The following COG6 variants were observed in gnomAD, a reference collection of about 807,000 sequenced individuals.
The protein encoded by COG6 is component of oligomeric golgi complex 6.
COG6 carries 74 observed loss-of-function variants against 88.8 expected under a neutral mutation model. The observed-to-expected ratio is 0.83, with a 90% confidence interval of 0.69 to 1.01. The LOEUF (loss-of-function observed/expected upper bound fraction) is 1.01, where lower values mean the gene tolerates loss of function less well. COG6 is among the 50% of genes least tolerant of loss of function. The pLI is 0.00. For missense variants in COG6, 800 were observed against 797.9 expected, an observed-to-expected ratio of 1.00 and a Z score of -0.03; for synonymous variants, 286 against 278.7, an observed-to-expected ratio of 1.03 and a Z score of -0.26.
Position 39,660,799 on chromosome 13 carries a change from C to G in COG6, c.298-11C>G, listed in dbSNP as rs775372728. On this transcript the variant is annotated splice_polypyrimidine_tract_variant and intron_variant, in intron 2 of 18. Transcript: ENST00000455146. ...ATATATGATGTTTGATGTTACTTTT[C>G]TTCTTTTCAGGAACTTGAAAGCATA... is the stretch of plus-strand genomic sequence containing the variant. 6.4e-7 allele frequency: 1 copy of G among 1,574,204 alleles called. No homozygotes were observed. Among genetic ancestry groups the G allele is most frequent in the South Asian group, 1.1e-5 (1 of 90,290 alleles).
intron 4 of COG6, among the ~76,000 whole-genome samples, chr13:39,670,634 A>T (rs763239427): frequency 2.0e-5 from 3 of 152,018 alleles, no homozygotes; most frequent in Non-Finnish European, 2.9e-5. Flanking sequence ...CATGGCATAC[A>T]TTAAAGACTG....
chr13:39,755,552 G>T (rs936845212), downstream of COG6, among the ~76,000 whole-genome samples: 1 of 152,226 alleles, frequency 6.6e-6, no homozygotes, highest in African/African-American at 2.4e-5. Flanking sequence ...GGTTGGGAAT[G>T]AGATGTTCAT....
exon 19 of COG6, chr13:39,791,615 C>T (rs1881940729): frequency 6.6e-6 from 1 of 151,994 alleles, no homozygotes; most frequent in Admixed American, 6.6e-5. Context: ...TACAAAACTG[C>T]TGAATAAAAC....
At chr13:39,739,996 A>G (rs1879962492) in intron 18 of COG6, among the ~76,000 whole-genome samples, 1 of 152,176 alleles carries the variant, frequency 6.6e-6, no homozygotes, top group African/African-American at 2.4e-5. Context: ...AAAGTAAAAG[A>G]CTTTATTATA....
Position 39,788,347 on chromosome 13 carries a change from C to T in COG6, c.1839C>T (p.Asn613=), listed in dbSNP as rs373229917. 425 of 1,551,790 alleles carry T rather than the reference C, an allele frequency of 2.7e-4. 1 individual carries two copies. In the South Asian group the frequency reaches 4.4e-3, roughly 16 times the overall value. ...CATTTGCTCACAGGCGTCCACCCAA[C>T]GGCCCATGATCATCTTGTAACCAGT... Residue 613 remains asparagine (N), a synonymous_variant, in exon 19 of 19, where the codon AAC becomes AAT. Coordinates refer to the COG6 transcript ENST00000416691.
chr13:39,678,012 A>G (rs900890443), intron 5 of COG6: 2 of 438,166 alleles, frequency 4.6e-6, no homozygotes, highest in Admixed American at 2.5e-5. Context: ...GTACACACAT[A>G]TGTTCTCTTT....
chr13:39,759,217 A>T (rs1880939675), intron 18 of COG6, among the ~76,000 whole-genome samples: 1 of 152,198 alleles, frequency 6.6e-6, no homozygotes, highest in Non-Finnish European at 1.5e-5. Flanking sequence ...ATTTTATGTT[A>T]TATGAATTTT....
chr13:39,751,595 A>G lies in COG6; in HGVS notation c.*502A>G. 7.8e-7 allele frequency: 1 copy of G among 1,287,130 alleles called. No homozygotes were observed. The highest frequency in any genetic ancestry group is 1.0e-6 in the Non-Finnish European group (1 of 988,690). 79.7% of individuals were successfully genotyped at this position (1,287,130 alleles called of 1,614,324 possible). On this transcript the variant is annotated 3_prime_UTR_variant, in exon 19 of 19. Transcript: ENST00000455146. Reference sequence around the variant, plus strand: ...TCTGTCCCCAAAATAGCTGCCCTTAAAGAGTTGTTAGCAGAGAGAAAAATA... The same window carrying G: ...TCTGTCCCCAAAATAGCTGCCCTTAGAGAGTTGTTAGCAGAGAGAAAAATA...
At chr13:39,748,751 A>T (rs1469937481) in intron 18 of COG6, among the ~76,000 whole-genome samples, 1 of 152,116 alleles carries the variant, frequency 6.6e-6, no homozygotes, top group Non-Finnish European at 1.5e-5. Context: ...CAGAAAATTT[A>T]CTCAGCATGT....
chr13:39,681,380 T>C (rs764682047), intron 7 of COG6, among the ~76,000 whole-genome samples: 1 of 152,208 alleles, frequency 6.6e-6, no homozygotes, highest in Non-Finnish European at 1.5e-5. Flanking sequence ...GTATGTCTTA[T>C]CTCACTAGTT....
chr13:39,687,171 A>C (rs1876697300), intron 8 of COG6, among the ~76,000 whole-genome samples: 1 of 152,046 alleles, frequency 6.6e-6, no homozygotes, highest in Admixed American at 6.6e-5. Context: ...CTGAAACCTA[A>C]AAAGTTAAGT....
rs189761043 is a variant in COG6, at chr13:39,660,053, T to A, written c.297+546T>A. Among the ~76,000 whole-genome samples, 432 of 152,328 alleles carry A rather than the reference T, an allele frequency of 2.8e-3. 4 individuals are homozygous for A. Among genetic ancestry groups the A allele is most frequent in the Non-Finnish European group, 4.6e-3 (315 of 68,030 alleles). On this transcript the variant is annotated intron_variant, in intron 2 of 18. Coordinates refer to ENST00000455146, the MANE Select transcript of COG6 (RefSeq NM_020751.3). ...TATTAGCTGTTTTAATACATTGTAA[T>A]ACTAATATATTTCTATGTGAGTTAT...
chr13:39,673,859 A>G (rs987224558), intron 4 of COG6, among the ~76,000 whole-genome samples: 1 of 151,786 alleles, frequency 6.6e-6, no homozygotes, highest in Non-Finnish European at 1.5e-5. Flanking sequence ...TCATTTTCCT[A>G]TGATTTTTTA....
rs561093738 is a variant in COG6, at chr13:39,742,593, G to A, written c.1827-8353G>A. On this transcript the variant is annotated intron_variant, in intron 18 of 18. Transcript: ENST00000455146. ...TATGCACCCAATACAGGAGCACCCA[G>A]ATTCATAAAGCAAGTCCTTAGAGAC... Among the ~76,000 whole-genome samples, 923 of 152,206 alleles carry A rather than the reference G, an allele frequency of 6.1e-3. 14 individuals carry two copies. Among genetic ancestry groups the A allele is most frequent in the Middle Eastern group, 0.021 (6 of 292 alleles).
intron 13 of COG6, among the ~76,000 whole-genome samples, chr13:39,704,651 G>T (rs1312891668): frequency 3.9e-5 from 6 of 152,104 alleles, no homozygotes. Flanking sequence ...GTTGTTTAAG[G>T]GTCATCTGTA....
chr13:39,721,684 G>A (rs557438087), intron 15 of COG6, among the ~76,000 whole-genome samples: 73 of 152,168 alleles, frequency 4.8e-4, no homozygotes, highest in African/African-American at 1.6e-3. Context: ...GGTTTATCAC[G>A]TTTCTCCAAA....
intron 18 of COG6, among the ~76,000 whole-genome samples, chr13:39,765,740 A>G (rs1235825960): frequency 6.6e-6 from 1 of 152,214 alleles, no homozygotes; most frequent in Admixed American, 6.5e-5. Context: ...AACTTAATGT[A>G]AAACTCTGAG....
intron 13 of COG6, among the ~76,000 whole-genome samples, chr13:39,711,494 C>T (rs973182874): frequency 1.4e-5 from 2 of 143,952 alleles, no homozygotes; most frequent in African/African-American, 5.1e-5. Flanking sequence ...GGGTGAGAGT[C>T]TAAGCTCTGC....
At chr13:39,765,191 C>T (rs1262524337) in intron 18 of COG6, among the ~76,000 whole-genome samples, 2 of 152,126 alleles carry the variant, frequency 1.3e-5, no homozygotes, top group African/African-American at 4.8e-5. Flanking sequence ...CTGCCATGCC[C>T]TCTGATATCT....
Sources: allele counts gnomAD v4.1 joint callset (sites outside exome capture counted in the v4.1 genomes callset), GRCh38; gene constraint gnomAD v4.1.1; transcripts MANE v1.5; gene names NCBI Gene and HGNC (gene_info 2026-07-23, HGNC 2026-07-21).